The following GULP1 variants were observed in gnomAD, a reference collection of about 807,000 sequenced individuals.
GULP1 encodes the protein GULP PTB domain containing engulfment adaptor 1, also known as PTB domain-containing engulfment adapter protein 1.
Under a neutral mutation model 40.9 loss-of-function variants are expected in GULP1, and 19 were observed. The observed-to-expected ratio is 0.46, with a 90% CI of 0.32 to 0.68. GULP1 has a LOEUF of 0.68. GULP1 is among the 30% of genes least tolerant of loss of function. GULP1 has a pLI of 0.03. For synonymous variants in GULP1, 119 were observed against 117.6 expected, an observed-to-expected ratio of 1.01 and a Z score of -0.08; for missense variants, 312 against 362.2, an observed-to-expected ratio of 0.86 and a Z score of 1.12.
intron 2 of GULP1, among the ~76,000 whole-genome samples, chr2:188,469,856 G>T (rs1001347406): frequency 2.0e-5 from 3 of 152,110 alleles, no homozygotes; most frequent in Non-Finnish European, 4.4e-5. Context: ...GCAGCACACT[G>T]ATTGATTTGC....
intron 1 of GULP1, 36 bp from the exon 2 acceptor site, chr2:188,383,723 TATTG>T (rs1324211635): frequency 6.6e-6 from 1 of 152,220 alleles, no homozygotes; most frequent in Non-Finnish European, 1.5e-5. Context: ...GAAATGTAAT[TATTG>T]ATTAATTCTA....
intron 1 of GULP1, among the ~76,000 whole-genome samples, chr2:188,377,469 A>G (rs1169761503): frequency 6.6e-6 from 1 of 152,140 alleles, no homozygotes; most frequent in Non-Finnish European, 1.5e-5. Flanking sequence ...ACCTTTCATC[A>G]CGTGTGGAAG....
At chr2:188,465,008 G>A (rs2060000056) in intron 2 of GULP1, among the ~76,000 whole-genome samples, 1 of 151,964 alleles carries the variant, frequency 6.6e-6, no homozygotes, top group Non-Finnish European at 1.5e-5. Flanking sequence ...CCACCCTGTG[G>A]CTGAGCTGGT....
intron 2 of GULP1, among the ~76,000 whole-genome samples, chr2:188,406,148 T>C (rs2053062930): frequency 6.6e-6 from 1 of 152,194 alleles, no homozygotes; most frequent in Non-Finnish European, 1.5e-5. Flanking sequence ...TTGCTACATA[T>C]ACCTATATGG....
At chr2:188,400,654 G>A (rs1179614007) in intron 2 of GULP1, among the ~76,000 whole-genome samples, 1 of 152,152 alleles carries the variant, frequency 6.6e-6, no homozygotes, top group Non-Finnish European at 1.5e-5. Flanking sequence ...GAGACAAGGA[G>A]TAACTAAGCA....
intron 2 of GULP1, among the ~76,000 whole-genome samples, chr2:188,400,923 TTGTGTGTGTGTG>T (rs61060931): frequency 0.17 from 23,326 of 139,578 alleles, 1,876 homozygotes; most frequent in East Asian, 0.26. Flanking sequence ...AGTGGTGTGT[TTGTGTGTGTGTG>T]TGTGTGTGTG....
At chr2:188,485,749 A>G (rs948970978) in intron 4 of GULP1, among the ~76,000 whole-genome samples, 1 of 152,054 alleles carries the variant, frequency 6.6e-6, no homozygotes, top group African/African-American at 2.4e-5. Flanking sequence ...TAGTAACAAT[A>G]GTAATTTCTC....
Position 188,346,076 on chromosome 2 carries a change from A to G in GULP1, c.-171-37687A>G, listed in dbSNP as rs200393229. Among the ~76,000 whole-genome samples, 8 of 152,380 alleles carry G rather than the reference A, an allele frequency of 5.3e-5. No homozygotes were observed. In the East Asian group the frequency reaches 1.5e-3, roughly 29 times the overall value. On this transcript the variant is annotated intron_variant, in intron 1 of 11. Transcript: ENST00000409830. ...TTTTTATGGAGAGTCATGATTTAAT[A>G]GACCTATCTGGATAAATCACAGAGT...
chr2:188,466,291 T>TCCCC (rs1321525912), intron 2 of GULP1, among the ~76,000 whole-genome samples: 1 of 147,462 alleles, frequency 6.8e-6, no homozygotes, highest in South Asian at 2.1e-4. Flanking sequence ...TGGTTTTTTT[T>TCCCC]TCCCCCCCCG....
chr2:188,314,168 A>G (rs753052659), intron 1 of GULP1, among the ~76,000 whole-genome samples: 2 of 152,020 alleles, frequency 1.3e-5, no homozygotes, highest in Non-Finnish European at 2.9e-5. Flanking sequence ...CTTGGTACCA[A>G]CTGGATAGCC....
chr2:188,318,923 T>C (rs933061732), intron 1 of GULP1, among the ~76,000 whole-genome samples: 1 of 152,178 alleles, frequency 6.6e-6, no homozygotes, highest in Admixed American at 6.6e-5. Context: ...TTGATTTCTT[T>C]CCTGGACAGA....
intron 7 of GULP1, among the ~76,000 whole-genome samples, chr2:188,567,330 G>A (rs535837429): frequency 4.6e-5 from 7 of 152,196 alleles, no homozygotes; most frequent in Admixed American, 2.0e-4. Flanking sequence ...ACAAATGCAC[G>A]CGTATGTTTA....
intron 2 of GULP1, among the ~76,000 whole-genome samples, chr2:188,438,741 A>G (rs1157485321): frequency 6.7e-6 from 1 of 148,318 alleles, no homozygotes; most frequent in African/African-American, 2.5e-5. Flanking sequence ...AGTCAAAAGG[A>G]AATAAAGTAG....
chr2:188,402,488 A>C (rs1391889911), intron 2 of GULP1, among the ~76,000 whole-genome samples: 1 of 152,100 alleles, frequency 6.6e-6, no homozygotes, highest in African/African-American at 2.4e-5. Context: ...ACTAGAATTA[A>C]ATTTTTTGGT....
chr2:188,417,301 A>G (rs1472212229), intron 2 of GULP1, among the ~76,000 whole-genome samples: 2 of 152,280 alleles, frequency 1.3e-5, no homozygotes, highest in African/African-American at 4.8e-5. Context: ...GTTTTGTTAT[A>G]TGGTTGCTCA....
At chr2:188,584,146 C>T in intron 9 of GULP1, 119 bp from the exon 10 acceptor site, 1 of 666,582 alleles carries the variant, frequency 1.5e-6, no homozygotes, top group Non-Finnish European at 2.4e-6. Flanking sequence ...TACAAAATGG[C>T]AAATTCTTAT....
At chr2:188,368,937 G>GTATA (rs1234985408) in intron 1 of GULP1, among the ~76,000 whole-genome samples, 4 of 30,410 alleles carry the variant, frequency 1.3e-4, no homozygotes, top group African/African-American at 6.1e-4. Flanking sequence ...ATATATATGT[G>GTATA]TGTATATATA....
intron 1 of GULP1, among the ~76,000 whole-genome samples, chr2:188,341,308 C>T (rs960153291): frequency 6.6e-6 from 1 of 152,052 alleles, no homozygotes; most frequent in Non-Finnish European, 1.5e-5. Context: ...AGGTGCCGCA[C>T]ACTTCTAAAC....
At chr2:188,420,258 G>A (rs980311515) in intron 2 of GULP1, among the ~76,000 whole-genome samples, 1 of 152,134 alleles carries the variant, frequency 6.6e-6, no homozygotes, top group Admixed American at 6.5e-5. Flanking sequence ...CGTTGAATGT[G>A]TAGATTACTT....
Sources: allele counts gnomAD v4.1 joint callset (sites outside exome capture counted in the v4.1 genomes callset), GRCh38; gene constraint gnomAD v4.1.1; transcripts MANE v1.5; gene names NCBI Gene and HGNC (gene_info 2026-07-23, HGNC 2026-07-21).